LGSN: variants seen among roughly 807,000 people sequenced by gnomAD.
LGSN encodes lengsin, lens protein with glutamine synthetase domain.
LGSN carries 21 observed loss-of-function variants against 19.5 expected under a neutral mutation model. The observed-to-expected ratio is 1.07, with a 90% CI of 0.76 to 1.55. LGSN has a LOEUF of 1.55. LGSN is among the 40% of genes most tolerant of loss of function. LGSN has a pLI of 0.00. For missense variants in LGSN, 673 were observed against 608.5 expected, an observed-to-expected ratio of 1.11 and a Z score of -1.12; for synonymous variants, 257 against 215.6, an observed-to-expected ratio of 1.19 and a Z score of -1.68.
intron 1 of LGSN, among the ~76,000 whole-genome samples, chr6:63,296,824 G>C (rs565200824): frequency 5.3e-5 from 8 of 152,174 alleles, no homozygotes; most frequent in African/African-American, 1.9e-4. Flanking sequence ...ATGAGACTCA[G>C]AATAACTTGC....
At chr6:63,451,358 A>G in the LGSN span, among the ~76,000 whole-genome samples, 1 of 152,270 alleles carries the variant, frequency 6.6e-6, no homozygotes. Context: ...CATCAAAGAT[A>G]GACTGGGTAG....
the LGSN span, among the ~76,000 whole-genome samples, chr6:63,490,983 A>AG: frequency 6.6e-6 from 1 of 151,250 alleles, no homozygotes; most frequent in East Asian, 1.9e-4. Context: ...TTTTTTGATT[A>AG]GGGCCCTCAA....
chr6:63,280,333 T>A lies in LGSN; in HGVS notation c.1218A>T (p.Glu406Asp). 1 of 1,614,204 alleles carries A rather than the reference T, an allele frequency of 6.2e-7. No homozygotes were observed. Among genetic ancestry groups the A allele is most frequent in the Non-Finnish European group, 8.5e-7 (1 of 1,180,042 alleles). ...KCHGEKGTRIENKLGSATANP... is the reference protein window; with the variant it reads ...KCHGEKGTRIDNKLGSATANP... Reference sequence around the variant, plus strand: ...TTGCTGTTGCTGAGCCTAGTTTATTTTCTATCCGGGTGCCTTTCTCTCCAT... The same window carrying A: ...TTGCTGTTGCTGAGCCTAGTTTATTATCTATCCGGGTGCCTTTCTCTCCAT... The change falls in exon 4 of 4, where the codon GAA (glutamate) becomes GAT (aspartate). Residue 406 changes from glutamate (E) to aspartate (D), a missense_variant. Glu to Asp is a conservative substitution (Grantham distance 45, BLOSUM62 2). Coordinates refer to ENST00000370657, the MANE Select transcript of LGSN (RefSeq NM_016571.3).
At chr6:63,406,292 G>A in the LGSN span, among the ~76,000 whole-genome samples, 1 of 152,078 alleles carries the variant, frequency 6.6e-6, no homozygotes, top group African/African-American at 2.4e-5. Context: ...GCACTCCTCA[G>A]CAAATGTAAA....
At chr6:63,396,454 C>G in the LGSN span, 1 of 175,148 alleles carries the variant, frequency 5.7e-6, no homozygotes, top group South Asian at 1.3e-4. Flanking sequence ...ATAGGCTCCC[C>G]TCATCCTTAG....
chr6:63,388,771 C>T, the LGSN span, among the ~76,000 whole-genome samples: 1 of 152,188 alleles, frequency 6.6e-6, no homozygotes, highest in African/African-American at 2.4e-5. Flanking sequence ...CAAGGGATAA[C>T]TGGCTTCGAG....
At chr6:63,505,164 A>G in the LGSN span, among the ~76,000 whole-genome samples, 1 of 124,910 alleles carries the variant, frequency 8.0e-6, no homozygotes. Flanking sequence ...TCCTGTTAGT[A>G]ACTTGCTTTT....
the LGSN span, chr6:63,441,433 C>T: frequency 2.2e-6 from 1 of 453,878 alleles, no homozygotes; most frequent in Non-Finnish European, 4.3e-6. Flanking sequence ...ACCTCTGGAT[C>T]CCGGCCTGGC....
At chr6:63,333,881 T>C in the LGSN span, among the ~76,000 whole-genome samples, 1 of 152,166 alleles carries the variant, frequency 6.6e-6, no homozygotes, top group East Asian at 1.9e-4. Context: ...AACCATATGA[T>C]CATTTAAATA....
At chr6:63,432,987 ACTT>A in the LGSN span, among the ~76,000 whole-genome samples, 1 of 152,146 alleles carries the variant, frequency 6.6e-6, no homozygotes, top group Admixed American at 6.5e-5. Flanking sequence ...TCCAAAGAGA[ACTT>A]CTTTATTGTA....
At chr6:63,454,337 A>G in the LGSN span, among the ~76,000 whole-genome samples, 1 of 152,150 alleles carries the variant, frequency 6.6e-6, no homozygotes, top group African/African-American at 2.4e-5. Flanking sequence ...CCACATTTCT[A>G]TGGACATCAA....
At chr6:63,281,330 TA>T (rs1554170061) in intron 3 of LGSN, 110 bp from the exon 4 acceptor site, 53 of 149,466 alleles carry the variant, frequency 3.5e-4, no homozygotes, top group Admixed American at 1.4e-3. Flanking sequence ...TATATATATA[TA>T]ATAAATATAT....
At chr6:63,413,885 T>G in the LGSN span, among the ~76,000 whole-genome samples, 2 of 152,228 alleles carry the variant, frequency 1.3e-5, no homozygotes, top group Non-Finnish European at 2.9e-5. Flanking sequence ...CTAGCTTTCA[T>G]GTGTATATAT....
At chr6:63,510,725 G>A in the LGSN span, among the ~76,000 whole-genome samples, 2 of 144,916 alleles carry the variant, frequency 1.4e-5, no homozygotes, top group African/African-American at 5.2e-5. Context: ...CCAGGCTGGA[G>A]TGCAGTGACA....
At chr6:63,510,452 CT>C in the LGSN span, among the ~76,000 whole-genome samples, 50,157 of 124,194 alleles carry the variant, frequency 0.4, 8,026 homozygotes, top group African/African-American at 0.55. Context: ...GACTACCTTT[CT>C]TTTTTTTTTT....
the LGSN span, among the ~76,000 whole-genome samples, chr6:63,351,030 C>T: frequency 3.6e-4 from 55 of 152,194 alleles, no homozygotes; most frequent in Admixed American, 1.4e-3. Context: ...TGTTAACCCC[C>T]AAGGTTAACA....
At chr6:63,291,413 G>T (rs998581063) in intron 2 of LGSN, among the ~76,000 whole-genome samples, 1 of 152,196 alleles carries the variant, frequency 6.6e-6, no homozygotes, top group South Asian at 2.1e-4. Context: ...CAGTGGGATG[G>T]TTGGGGAGCA....
At chr6:63,437,231 A>G in the LGSN span, among the ~76,000 whole-genome samples, 2 of 150,270 alleles carry the variant, frequency 1.3e-5, no homozygotes, top group Non-Finnish European at 3.0e-5. Flanking sequence ...GGGAAAGGGA[A>G]TGAAAGGAAA....
chr6:63,384,488 CTTGTGT>C, the LGSN span, among the ~76,000 whole-genome samples: 5 of 114,636 alleles, frequency 4.4e-5, no homozygotes, highest in South Asian at 9.6e-4. Flanking sequence ...GAAATAACAC[CTTGTGT>C]GTGTGTGTGT....
Sources: allele counts gnomAD v4.1 joint callset (sites outside exome capture counted in the v4.1 genomes callset), GRCh38; gene constraint gnomAD v4.1.1; transcripts MANE v1.5; gene names NCBI Gene and HGNC (gene_info 2026-07-23, HGNC 2026-07-21).